Variants in ABCA13 observed in about 807,000 individuals in gnomAD.
ABCA13 encodes ATP binding cassette subfamily A member 13.
A neutral mutation model predicts 478.7 loss-of-function variants in ABCA13; 476 were observed. The observed-to-expected ratio is 0.99, with a 90% CI of 0.92 to 1.07. ABCA13 has a LOEUF of 1.07. ABCA13 is among the 50% of genes least tolerant of loss of function. ABCA13 has a pLI of 0.00. For synonymous variants in ABCA13, 2,252 were observed against 2,158.9 expected (o/e 1.04, Z -1.20); for missense variants, 6,060 against 5,910.6 (o/e 1.03, Z -0.83).
At position 48,279,921 on chromosome 7, in the gene ABCA13, G is replaced by A. The variant is rs568472830; in HGVS notation, c.8726+1G>A. Reference sequence around the variant, plus strand: ...AACAAATCCCACTAACAGATCAAAGGTAATTAAAAAGCTGAATTCACTTTG... The same window carrying A: ...AACAAATCCCACTAACAGATCAAAGATAATTAAAAAGCTGAATTCACTTTG... On this transcript the variant is annotated splice_donor_variant, in intron 18 of 61. Transcript: ENST00000435803. LOFTEE classifies it high-confidence loss of function. The A allele has an allele frequency of 8.5e-5, 128 of 1,506,318 alleles. No homozygotes were observed. The highest frequency in any genetic ancestry group is 1.1e-4 in the Non-Finnish European group (126 of 1,131,014). The allele number at this position is 1,506,318 out of a possible 1,614,324, so 93.3% of individuals were successfully genotyped here.
chr7:48,520,318 C>G (rs750481577), intron 53 of ABCA13, 24 bp downstream of exon 53: 1 of 1,578,690 alleles, frequency 6.3e-7, no homozygotes. Flanking sequence ...GACTCATCCT[C>G]GAGCTGCACT....
intron 20 of ABCA13, among the ~76,000 whole-genome samples, chr7:48,289,710 C>T (rs1162553684): frequency 6.6e-6 from 1 of 152,098 alleles, no homozygotes; most frequent in Non-Finnish European, 1.5e-5. Flanking sequence ...ATAAAATAGT[C>T]AAGAGACTCC....
At position 48,618,679 on chromosome 7, in the gene ABCA13, A is replaced by G. The variant is rs190817476; in HGVS notation, c.14837+3302A>G. Among the ~76,000 whole-genome samples, 61 of 152,208 alleles carry G rather than the reference A, an allele frequency of 4.0e-4. No homozygotes were observed. The East Asian group carries it at 0.01, about 26-fold the overall frequency. ...AGGGCAAGCAGGCCTAGGATCTGCT[A>G]CTTTGAATAACTTTAGTGGGCTGTG... On this transcript the variant is annotated intron_variant, in intron 59 of 61. Transcript: ENST00000435803.
intron 38 of ABCA13, among the ~76,000 whole-genome samples, chr7:48,395,869 G>A (rs1377088432): frequency 6.6e-6 from 1 of 152,154 alleles, no homozygotes; most frequent in Non-Finnish European, 1.5e-5. Context: ...TAAGCTTTTG[G>A]GGAGTTGAAA....
intron 58 of ABCA13, among the ~76,000 whole-genome samples, chr7:48,608,135 C>A (rs1195445118): frequency 6.6e-6 from 1 of 152,346 alleles, no homozygotes; most frequent in South Asian, 2.1e-4. Context: ...CCCACCTCGG[C>A]TTCCCAAAGT....
chr7:48,301,001 G>A (rs531243774), intron 23 of ABCA13, among the ~76,000 whole-genome samples: 25 of 152,306 alleles, frequency 1.6e-4, no homozygotes, highest in African/African-American at 2.2e-4. Flanking sequence ...CAAAGTGTCA[G>A]GACCCAAATA....
intron 59 of ABCA13, among the ~76,000 whole-genome samples, chr7:48,622,844 T>G (rs1411946281): frequency 6.6e-6 from 1 of 152,210 alleles, no homozygotes; most frequent in Non-Finnish European, 1.5e-5. Flanking sequence ...CTTATAGGCA[T>G]AAAAAAGTAG....
intron 19 of ABCA13, 97 bp from the exon 20 acceptor site, chr7:48,287,863 T>C (rs181301485): frequency 9.2e-6 from 8 of 868,184 alleles, no homozygotes; most frequent in Non-Finnish European, 1.5e-5. Flanking sequence ...TTTAGGAATT[T>C]GTATCACTTT....
At chr7:48,527,715 T>C (rs1177851686) in intron 54 of ABCA13, among the ~76,000 whole-genome samples, 3 of 152,078 alleles carry the variant, frequency 2.0e-5, no homozygotes, top group Admixed American at 1.3e-4. Context: ...TTTGCAGGAA[T>C]TTACAGGCTC....
At chr7:48,418,543 T>A (rs1180161289) in intron 41 of ABCA13, among the ~76,000 whole-genome samples, 2 of 152,244 alleles carry the variant, frequency 1.3e-5, no homozygotes, top group African/African-American at 4.8e-5. Context: ...GGCTGTTTGC[T>A]TTCTTATTGT....
intron 55 of ABCA13, among the ~76,000 whole-genome samples, chr7:48,545,414 A>G (rs927149437): frequency 1.3e-5 from 2 of 151,778 alleles, no homozygotes; most frequent in African/African-American, 4.8e-5. Flanking sequence ...TGGGAGTTTA[A>G]ATTTGACTAC....
At chr7:48,269,544 AT>A (rs1292352783) in intron 16 of ABCA13, among the ~76,000 whole-genome samples, 2 of 152,202 alleles carry the variant, frequency 1.3e-5, no homozygotes, top group Non-Finnish European at 2.9e-5. Context: ...CAGCACGTGT[AT>A]TGAAATGCAG....
At chr7:48,516,171 T>G (rs1832091823) in intron 51 of ABCA13, among the ~76,000 whole-genome samples, 1 of 152,208 alleles carries the variant, frequency 6.6e-6, no homozygotes, top group African/African-American at 2.4e-5. Context: ...GGCTGTCCCC[T>G]TATCTGCATT....
At chr7:48,539,473 G>A (rs1175656745) in intron 55 of ABCA13, among the ~76,000 whole-genome samples, 2 of 152,082 alleles carry the variant, frequency 1.3e-5, no homozygotes, top group Non-Finnish European at 2.9e-5. Flanking sequence ...TGGCTACTCA[G>A]AGGTACAGTT....
intron 31 of ABCA13, among the ~76,000 whole-genome samples, chr7:48,363,553 A>T (rs528673485): frequency 6.6e-6 from 1 of 152,126 alleles, no homozygotes; most frequent in East Asian, 1.9e-4. Flanking sequence ...TTTCTTTTTC[A>T]GGGAGTTTAA....
chr7:48,546,825 A>G (rs1918601), intron 55 of ABCA13, among the ~76,000 whole-genome samples: 21,236 of 151,554 alleles, frequency 0.14, 2,056 homozygotes, highest in African/African-American at 0.23. Flanking sequence ...ATATATACAA[A>G]AAGACATGGA....
At chr7:48,230,423 C>G (rs1360170717) in intron 7 of ABCA13, among the ~76,000 whole-genome samples, 1 of 152,194 alleles carries the variant, frequency 6.6e-6, no homozygotes, top group Admixed American at 6.5e-5. Context: ...TTATATAGCT[C>G]TTTTCTTGAT....
intron 41 of ABCA13, among the ~76,000 whole-genome samples, chr7:48,425,257 T>C (rs2129131541): frequency 6.6e-6 from 1 of 152,208 alleles, no homozygotes; most frequent in African/African-American, 2.4e-5. Context: ...CACATACAAC[T>C]ATGGCCTTTT....
chr7:48,567,212 T>C (rs1481683476), intron 55 of ABCA13, among the ~76,000 whole-genome samples: 1 of 152,158 alleles, frequency 6.6e-6, no homozygotes, highest in Non-Finnish European at 1.5e-5. Context: ...ACGGGTTGCT[T>C]TGAAGGCAGA....
Sources: allele counts gnomAD v4.1 joint callset (sites outside exome capture counted in the v4.1 genomes callset), GRCh38; gene constraint gnomAD v4.1.1; transcripts MANE v1.5; gene names NCBI Gene and HGNC (gene_info 2026-07-23, HGNC 2026-07-21).